MAGI1: variants seen among roughly 807,000 people sequenced by gnomAD.
The protein encoded by MAGI1 is membrane-associated guanylate kinase, WW and PDZ domain-containing protein 1.
MAGI1 carries 58 observed loss-of-function variants against 139.9 expected under a neutral mutation model. That is an observed-to-expected ratio of 0.41 (90% confidence interval 0.34 to 0.52). MAGI1 has a LOEUF of 0.52. Ranked by LOEUF, MAGI1 falls within the 20% of genes least tolerant of loss-of-function variation. MAGI1 has a pLI of 0.12. For missense variants in MAGI1, 1,874 were observed against 1,901.6 expected (o/e 0.99, Z 0.27); for synonymous variants, 812 against 737.9 (o/e 1.10, Z -1.63).
chr3:65,522,367 A>G (rs1323500146), intron 2 of MAGI1, among the ~76,000 whole-genome samples: 2 of 152,190 alleles, frequency 1.3e-5, no homozygotes, highest in Non-Finnish European at 2.9e-5. Context: ...GAGTTTAAGT[A>G]CCACTTTCCC....
intron 1 of MAGI1, among the ~76,000 whole-genome samples, chr3:65,869,410 T>C (rs955641971): frequency 7.0e-6 from 1 of 142,166 alleles, no homozygotes; most frequent in Non-Finnish European, 1.5e-5. Context: ...GTTGTTGTTG[T>C]TGTTGTTTGA....
At chr3:65,475,865 T>G (rs1466440522) in intron 4 of MAGI1, among the ~76,000 whole-genome samples, 1 of 152,026 alleles carries the variant, frequency 6.6e-6, no homozygotes, top group Admixed American at 6.6e-5. Flanking sequence ...TTAGGCGTCT[T>G]AGTGAGACAT....
In MAGI1 at chr3:65,354,601, G is replaced by A. The variant is rs1444098340; in HGVS notation, c.*1777C>T. 1 of 152,638 alleles carries A rather than the reference G, an allele frequency of 6.6e-6. No homozygotes were observed. Among genetic ancestry groups the A allele is most frequent in the Non-Finnish European group, 1.5e-5 (1 of 68,030 alleles). The allele number at this position is 152,638 out of a possible 1,614,324, so 9.5% of individuals were successfully genotyped here. On this transcript the variant is annotated 3_prime_UTR_variant, in exon 23 of 23. Transcript: ENST00000402939. Reference sequence around the variant, plus strand: ...CAAGCAGGCTCACCATGGAGGAAATGATGATATTCAAACCAACTAAAGCTT... The same window carrying A: ...CAAGCAGGCTCACCATGGAGGAAATAATGATATTCAAACCAACTAAAGCTT...
At chr3:65,713,447 GA>G (rs933605370) in intron 1 of MAGI1, among the ~76,000 whole-genome samples, 2 of 151,654 alleles carry the variant, frequency 1.3e-5, no homozygotes, top group East Asian at 1.9e-4. Flanking sequence ...TTTAAAAAAA[GA>G]AAAAAAAGAA....
At chr3:65,378,482 A>C (rs1942752896) in intron 17 of MAGI1, among the ~76,000 whole-genome samples, 1 of 152,004 alleles carries the variant, frequency 6.6e-6, no homozygotes, top group Admixed American at 6.6e-5. Context: ...TACTCCTTAC[A>C]CCTCTGTTTT....
At chr3:65,914,548 G>A (rs2061811531) in intron 1 of MAGI1, among the ~76,000 whole-genome samples, 1 of 152,172 alleles carries the variant, frequency 6.6e-6, no homozygotes, top group South Asian at 2.1e-4. Context: ...TTAAAACACA[G>A]TGCTGACTCT....
chr3:65,681,095 A>T (rs2087562556), intron 1 of MAGI1, among the ~76,000 whole-genome samples: 1 of 152,216 alleles, frequency 6.6e-6, no homozygotes, highest in Non-Finnish European at 1.5e-5. Flanking sequence ...TTGTATTTTG[A>T]TTTATCATCT....
At chr3:65,642,084 C>A (rs991531988) in intron 1 of MAGI1, among the ~76,000 whole-genome samples, 8 of 152,046 alleles carry the variant, frequency 5.3e-5, no homozygotes, top group Admixed American at 6.6e-5. Context: ...TGAAGGTGCA[C>A]AAAGCACCAA....
chr3:65,696,972 G>A (rs1176564983), intron 1 of MAGI1, among the ~76,000 whole-genome samples: 1 of 152,032 alleles, frequency 6.6e-6, no homozygotes, highest in African/African-American at 2.4e-5. Flanking sequence ...TTGATAGACC[G>A]CTAGCAAGAC....
chr3:65,380,452 C>G (rs1942954207), intron 16 of MAGI1, among the ~76,000 whole-genome samples: 1 of 152,150 alleles, frequency 6.6e-6, no homozygotes, highest in South Asian at 2.1e-4. Flanking sequence ...TCATCCATCT[C>G]CAGAATTTTG....
intron 2 of MAGI1, among the ~76,000 whole-genome samples, chr3:65,506,938 G>T (rs1346685124): frequency 6.6e-6 from 1 of 152,150 alleles, no homozygotes; most frequent in African/African-American, 2.4e-5. Context: ...GTTGACATAG[G>T]CATGATAGTT....
chr3:65,485,013 T>C (rs944252887), intron 3 of MAGI1, among the ~76,000 whole-genome samples: 1 of 152,162 alleles, frequency 6.6e-6, no homozygotes, highest in African/African-American at 2.4e-5. Flanking sequence ...GCACATACCA[T>C]TACCCGGTAA....
chr3:65,361,931 A>C (rs1389082337), intron 21 of MAGI1, among the ~76,000 whole-genome samples: 1 of 152,234 alleles, frequency 6.6e-6, no homozygotes, highest in African/African-American at 2.4e-5. Context: ...GTGAGACTTC[A>C]GATGAGACCA....
intron 1 of MAGI1, among the ~76,000 whole-genome samples, chr3:65,937,697 T>C (rs945254204): frequency 6.6e-6 from 1 of 152,028 alleles, no homozygotes; most frequent in Non-Finnish European, 1.5e-5. Context: ...TTTGGGGTTT[T>C]TTTAGTTACA....
At chr3:65,908,848 C>T (rs1298237529) in intron 1 of MAGI1, among the ~76,000 whole-genome samples, 8 of 152,172 alleles carry the variant, frequency 5.3e-5, no homozygotes, top group African/African-American at 1.7e-4. Context: ...AATGACCACT[C>T]ATAGTCTACA....
At chr3:65,497,480 T>C (rs1262014389) in intron 2 of MAGI1, among the ~76,000 whole-genome samples, 1 of 152,122 alleles carries the variant, frequency 6.6e-6, no homozygotes. Flanking sequence ...TAGAATCTCT[T>C]TGAAACTTGC....
At chr3:65,639,974 C>T (rs958604557) in intron 1 of MAGI1, among the ~76,000 whole-genome samples, 2 of 143,740 alleles carry the variant, frequency 1.4e-5, no homozygotes, top group Non-Finnish European at 3.0e-5. Context: ...GGGCAACAAG[C>T]GCAAAACTCC....
At chr3:65,477,708 A>ATT (rs10647105) in intron 4 of MAGI1, among the ~76,000 whole-genome samples, 2,302 of 114,058 alleles carry the variant, frequency 0.02, 36 homozygotes, top group African/African-American at 0.058. Flanking sequence ...TATTATTATT[A>ATT]TTATTTTTTT....
chr3:65,867,063 G>T (rs2059753968), intron 1 of MAGI1, among the ~76,000 whole-genome samples: 1 of 152,176 alleles, frequency 6.6e-6, no homozygotes, highest in Admixed American at 6.5e-5. Flanking sequence ...CCCTTGGGGT[G>T]AGTTGCTTAG....
Sources: gnomAD v4.1 joint callset for allele counts (sites outside exome capture counted in the v4.1 genomes callset) on GRCh38, gnomAD v4.1.1 for gene constraint, MANE v1.5 for transcripts, NCBI Gene and HGNC (gene_info 2026-07-23, HGNC 2026-07-21) for gene names.